Variants in AKAP6 observed in about 807,000 individuals in gnomAD.
AKAP6 encodes A-kinase anchoring protein 6.
In AKAP6, 58 loss-of-function variants were observed where a neutral mutation model predicts 188.5. The observed-to-expected ratio is 0.31, with a 90% CI of 0.25 to 0.38. AKAP6 has a LOEUF of 0.38. Ranked by LOEUF, AKAP6 falls within the 10% of genes least tolerant of loss-of-function variation. The pLI, the probability that AKAP6 is intolerant of heterozygous loss-of-function variation, is 1.00. For missense variants in AKAP6, 2,710 were observed against 2,740.0 expected (o/e 0.99, Z 0.24); for synonymous variants, 989 against 998.6 (o/e 0.99, Z 0.18).
At position 32,366,032 on chromosome 14, in the gene AKAP6, C is replaced by T. The variant is rs116757239; in HGVS notation, c.-35+36624C>T. ...TTAGTCCTGCCCCTTAGGAGGTAAA[C>T]CCTCTCATCGTCTCTCCCACTAAAA... On this transcript the variant is annotated intron_variant, in intron 1 of 13. Transcript: ENST00000280979. Among the ~76,000 whole-genome samples the T allele has an allele frequency of 2.4e-3, 361 of 152,246 alleles. 1 individual carries two copies. The highest frequency in any genetic ancestry group is 8.3e-3 in the African/African-American group (345 of 41,540).
intron 2 of AKAP6, among the ~76,000 whole-genome samples, chr14:32,490,144 G>C (rs1177828764): frequency 1.2e-5 from 1 of 81,586 alleles, no homozygotes; most frequent in Non-Finnish European, 2.1e-5. Context: ...TGATCAGTTA[G>C]GATAGGGCAG....
intron 12 of AKAP6, among the ~76,000 whole-genome samples, chr14:32,818,069 C>A (rs1343441132): frequency 1.3e-5 from 2 of 152,006 alleles, no homozygotes; most frequent in African/African-American, 4.8e-5. Flanking sequence ...TAATCCACAA[C>A]AGGAAGGGAG....
At chr14:32,428,131 G>A (rs11622988) in intron 1 of AKAP6, among the ~76,000 whole-genome samples, 4,547 of 152,250 alleles carry the variant, frequency 0.03, 93 homozygotes, top group Middle Eastern at 0.1. Context: ...TGTTAACACA[G>A]TACTATTAAT....
At chr14:32,577,352 A>G (rs964104974) in intron 5 of AKAP6, 110 bp downstream of exon 5, 6 of 1,405,148 alleles carry the variant, frequency 4.3e-6, no homozygotes, top group Admixed American at 2.5e-5. Flanking sequence ...CTATATGTCA[A>G]TGAAACCAAA....
intron 9 of AKAP6, among the ~76,000 whole-genome samples, chr14:32,725,702 G>C (rs968092846): frequency 3.9e-5 from 6 of 152,088 alleles, no homozygotes; most frequent in Non-Finnish European, 8.8e-5. Flanking sequence ...AGGAAGTGTA[G>C]TGTTGGAAAT....
At chr14:32,753,734 G>A (rs185918553) in intron 11 of AKAP6, among the ~76,000 whole-genome samples, 1 of 152,224 alleles carries the variant, frequency 6.6e-6, no homozygotes, top group African/African-American at 2.4e-5. Flanking sequence ...TCATTCTTCT[G>A]CATGTGGATA....
chr14:32,583,022 T>C (rs1429282489), intron 5 of AKAP6, among the ~76,000 whole-genome samples: 1 of 152,232 alleles, frequency 6.6e-6, no homozygotes, highest in Non-Finnish European at 1.5e-5. Flanking sequence ...CTTTATTCTG[T>C]TGCTGGTGAG....
intron 12 of AKAP6, among the ~76,000 whole-genome samples, chr14:32,796,917 C>T (rs1158568848): frequency 6.6e-6 from 1 of 152,084 alleles, no homozygotes; most frequent in African/African-American, 2.4e-5. Flanking sequence ...AGGTCTAATA[C>T]CCTGAGTCTA....
intron 12 of AKAP6, among the ~76,000 whole-genome samples, chr14:32,795,336 A>C (rs952956144): frequency 6.6e-6 from 1 of 152,238 alleles, no homozygotes; most frequent in Admixed American, 6.5e-5. Context: ...CAACAAAAAA[A>C]GAAAACTTCA....
At chr14:32,757,081 G>T (rs563782902) in intron 11 of AKAP6, among the ~76,000 whole-genome samples, 2 of 152,184 alleles carry the variant, frequency 1.3e-5, no homozygotes, top group Non-Finnish European at 2.9e-5. Flanking sequence ...GCCTCAAATG[G>T]TGGGTGTCTT....
intron 11 of AKAP6, among the ~76,000 whole-genome samples, chr14:32,746,144 C>T (rs942896574): frequency 3.9e-5 from 6 of 152,112 alleles, no homozygotes; most frequent in Admixed American, 2.6e-4. Context: ...CCCAAGAGCC[C>T]ACTTGTTACT....
intron 2 of AKAP6, among the ~76,000 whole-genome samples, chr14:32,468,504 A>G (rs1366288415): frequency 6.6e-6 from 1 of 151,450 alleles, no homozygotes; most frequent in Non-Finnish European, 1.5e-5. Flanking sequence ...TGTTGATTCA[A>G]GTTTAGATCT....
chr14:32,834,867 G>T lies in AKAP6; in HGVS notation c.*5062G>T, dbSNP rs890212427. The T allele has an allele frequency of 6.6e-6, 1 of 152,184 alleles. No individual in the cohort carries two copies. 9.4% of individuals were successfully genotyped at this position (152,184 alleles called of 1,614,324 possible). On this transcript the variant is annotated 3_prime_UTR_variant, in exon 14 of 14. Transcript: ENST00000280979. ...GGCAAGGGTCAGCAAACTGTGGCAC[G>T]TGGGCCAAATTCAGCTCGTTGCCTG...
intron 9 of AKAP6, among the ~76,000 whole-genome samples, chr14:32,724,990 T>TAAAAAAAA (rs71432079): frequency 0.031 from 1,092 of 34,910 alleles, 267 homozygotes; most frequent in East Asian, 0.092. Context: ...ATATTCAACC[T>TAAAAAAAA]AAAAAAAAAA....
chr14:32,544,343 A>C (rs753852844), intron 3 of AKAP6, among the ~76,000 whole-genome samples: 2 of 152,252 alleles, frequency 1.3e-5, no homozygotes, highest in Non-Finnish European at 2.9e-5. Flanking sequence ...ATCATCAGTG[A>C]AAATCTTCCC....
At chr14:32,375,009 AAG>A (rs1288240836) in intron 1 of AKAP6, among the ~76,000 whole-genome samples, 1 of 152,236 alleles carries the variant, frequency 6.6e-6, no homozygotes, top group African/African-American at 2.4e-5. Flanking sequence ...GATCAACTGG[AAG>A]AGTGAAACAA....
rs1484712592 is a variant in AKAP6 at position 32,329,326 on chromosome 14, G to T, written c.-117G>T. ...TGAACTGATGTCACAGCATCATGCA[G>T]CAGGTCAAACAAGGCATCTCCTAGT... On this transcript the variant is annotated 5_prime_UTR_variant, in exon 1 of 14. Transcript: ENST00000280979. 6.6e-6 allele frequency: 1 copy of T among 152,124 alleles called. No individual in the cohort carries two copies. The highest frequency in any genetic ancestry group is 1.5e-5 in the Non-Finnish European group (1 of 67,990). The allele number at this position is 152,124 out of a possible 1,614,324, so 9.4% of individuals were successfully genotyped here. A position where few individuals can be genotyped will look rare whatever the true frequency, so the allele number is the denominator to read the frequency against.
At chr14:32,722,930 TA>T (rs1227174013) in intron 9 of AKAP6, among the ~76,000 whole-genome samples, 1 of 152,186 alleles carries the variant, frequency 6.6e-6, no homozygotes, top group African/African-American at 2.4e-5. Context: ...TGGCAAATGC[TA>T]AAAGAACATT....
At chr14:32,454,428 T>G (rs1891049562) in intron 2 of AKAP6, among the ~76,000 whole-genome samples, 1 of 152,132 alleles carries the variant, frequency 6.6e-6, no homozygotes, top group African/African-American at 2.4e-5. Flanking sequence ...CTCGCAAGGT[T>G]TCTGGGCAGA....
Sources: gnomAD v4.1 joint callset for allele counts (sites outside exome capture counted in the v4.1 genomes callset) on GRCh38, gnomAD v4.1.1 for gene constraint, MANE v1.5 for transcripts, NCBI Gene and HGNC (gene_info 2026-07-23, HGNC 2026-07-21) for gene names.